The following MED16 variants were observed in gnomAD, a reference collection of about 807,000 sequenced individuals.
MED16 encodes the protein mediator complex subunit 16.
A neutral mutation model predicts 84.4 loss-of-function variants in MED16; 81 were observed. The ratio of observed to expected loss-of-function variants is 0.96; its 90% CI spans 0.80 to 1.15. The LOEUF (loss-of-function observed/expected upper bound fraction) is 1.15, where lower values mean the gene tolerates loss of function less well. MED16 is among the 50% of genes most tolerant of loss of function. The pLI is 0.00. For missense variants in MED16, 1,585 were observed against 1,245.9 expected (o/e 1.27, Z -4.10); for synonymous variants, 897 against 552.2 (o/e 1.62, Z -8.76).
chr19:875,678 G>A (rs1042474902), intron 9 of MED16, among the ~76,000 whole-genome samples: 2 of 152,202 alleles, frequency 1.3e-5, no homozygotes, highest in Non-Finnish European at 1.5e-5. Flanking sequence ...TGCCTCTGGT[G>A]GGGGCCCCTG....
intron 4 of MED16, among the ~76,000 whole-genome samples, chr19:886,674 G>A (rs1201709799): frequency 6.6e-6 from 1 of 152,244 alleles, no homozygotes; most frequent in African/African-American, 2.4e-5. Context: ...GAAGTGCTGT[G>A]TAAGCACCAG....
chr19:877,550 C>A lies in MED16; in HGVS notation c.1354-370G>T, dbSNP rs536330992. On this transcript the variant is annotated intron_variant, in intron 8 of 15. Coordinates refer to ENST00000325464, the MANE Select transcript of MED16 (RefSeq NM_005481.3). ...ACTGACCTCGCTCAACAAGACGAAC[C>A]CATCACACAGACAAGGCAGCGCAGG... Among the ~76,000 whole-genome samples, 33 of 97,686 alleles carry A rather than the reference C, an allele frequency of 3.4e-4. 1 individual carries two copies. The South Asian group carries it at 8.6e-3, about 25-fold the overall frequency. 64.1% of individuals were successfully genotyped at this position (97,686 alleles called of 152,430 possible).
intron 13 of MED16, among the ~76,000 whole-genome samples, chr19:870,523 T>C (rs2036021313): frequency 6.8e-6 from 1 of 147,352 alleles, no homozygotes; most frequent in African/African-American, 2.5e-5. Flanking sequence ...ACGGCACTAC[T>C]GCACTCCAGC....
In MED16 at chr19:871,060, G is replaced by C. The variant is rs576500969; in HGVS notation, c.2292C>G (p.Thr764=). ...RAPTLPGSAA[T]LQLDGLARAP... The stretch of plus-strand genomic sequence containing the variant: ...ACCTGGCGAGGCCGTCGAGCTGCAG[G>C]GTGGCAGCACTGCCAGGCAGCGTGG... The change falls in exon 13 of 16, where the codon ACC becomes ACG. Residue 764 remains threonine (T), a synonymous_variant. Transcript: ENST00000325464. 1.5e-5 allele frequency: 23 copies of C among 1,544,956 alleles called. No homozygotes were observed. In the African/African-American group the frequency reaches 2.9e-4, roughly 19 times the overall value.
chr19:888,927 T>G (rs2036577024), intron 4 of MED16, among the ~76,000 whole-genome samples: 1 of 152,150 alleles, frequency 6.6e-6, no homozygotes, highest in African/African-American at 2.4e-5. Context: ...GGGGTGGCTG[T>G]GAGGCCTTTG....
chr19:887,407 C>T (rs2036548580), intron 4 of MED16, among the ~76,000 whole-genome samples: 2 of 152,280 alleles, frequency 1.3e-5, no homozygotes, highest in South Asian at 4.2e-4. Flanking sequence ...GTGGCTCACG[C>T]CTGTAATCTC....
intron 8 of MED16, 74 bp from the exon 9 acceptor site, chr19:877,254 T>C (rs1171314379): frequency 8.3e-6 from 12 of 1,447,094 alleles, no homozygotes; most frequent in African/African-American, 1.4e-5. Flanking sequence ...AATGGGGCCC[T>C]GGGGCTGCGG....
In MED16 at chr19:871,128, G is replaced by A. The variant is rs754241655; in HGVS notation, c.2224C>T (p.Leu742=). The A allele has an allele frequency of 1.9e-6, 3 of 1,548,430 alleles. No individual in the cohort carries two copies. Among genetic ancestry groups the A allele is most frequent in the Non-Finnish European group, 1.7e-6 (2 of 1,145,812 alleles). Residue 742 remains leucine (L), a synonymous_variant, in exon 13 of 16, where the codon CTG becomes TTG. Coordinates refer to ENST00000325464, the MANE Select transcript of MED16 (RefSeq NM_005481.3). ...LPASDGLVSR[L]QPKQPLRLQF... ...AGACGAAGGGGCTGCTTGGGCTGCA[G>A]GCGGCTAACCAGGCCGTCGCTGGCT...
At chr19:886,981 A>G (rs2036538422) in intron 4 of MED16, among the ~76,000 whole-genome samples, 1 of 152,012 alleles carries the variant, frequency 6.6e-6, no homozygotes, top group Non-Finnish European at 1.5e-5. Flanking sequence ...CAGGAGGCTG[A>G]GGCAGGAGAA....
In MED16 at chr19:885,026, G is replaced by A. The variant is rs377639572; in HGVS notation, c.880-18C>T. 2.7e-5 allele frequency: 43 copies of A among 1,571,966 alleles called. No homozygotes were observed. Among genetic ancestry groups the A allele is most frequent in the Non-Finnish European group, 3.2e-5 (37 of 1,161,914 alleles). ...AAAAGCACCTGCGGGGGAGGTGGGG[G>A]TGAGGGCTGACCCGGCACTGCTGTG... is the stretch of plus-strand genomic sequence containing the variant. On this transcript the variant is annotated intron_variant, in intron 5 of 15. Transcript: ENST00000325464.
At chr19:875,485 G>A (rs367670497) in intron 9 of MED16, 31 bp from the exon 10 acceptor site, 5 of 1,565,882 alleles carry the variant, frequency 3.2e-6, no homozygotes, top group Non-Finnish European at 4.3e-6. Flanking sequence ...CACCCCAAGG[G>A]GCCGGAGCAG....
intron 4 of MED16, among the ~76,000 whole-genome samples, chr19:887,103 G>A (rs2036541827): frequency 6.6e-6 from 1 of 151,436 alleles, no homozygotes; most frequent in Non-Finnish European, 1.5e-5. Context: ...AAAAGAACAA[G>A]AAAAATGTCT....
chr19:883,993 T>C (rs565965331), intron 6 of MED16, among the ~76,000 whole-genome samples: 32 of 152,252 alleles, frequency 2.1e-4, no homozygotes, highest in Non-Finnish European at 3.5e-4. Flanking sequence ...TTACTGCCTC[T>C]GCGGCCACAA....
At position 884,883 on chromosome 19, in the gene MED16, GC is replaced by G; in HGVS notation, c.985+19del. 6.3e-7 allele frequency: 1 copy of G among 1,585,086 alleles called. No individual in the cohort carries two copies. Among genetic ancestry groups the G allele is most frequent in the Non-Finnish European group, 8.6e-7 (1 of 1,166,224 alleles). ...CCCCGAGGGCAGGCCCAGGGCCTCC[GC>G]AGCCGGCGGGAGACTCACCCACGGG... is the stretch of plus-strand genomic sequence containing the variant. On this transcript the variant is annotated intron_variant, in intron 6 of 15. Transcript: ENST00000325464.
intron 9 of MED16, 56 bp from the exon 10 acceptor site, chr19:875,510 G>C (rs938174481): frequency 1.4e-6 from 2 of 1,417,820 alleles, no homozygotes; most frequent in Non-Finnish European, 1.9e-6. Context: ...GCCCGCCAAG[G>C]CTCCAGCTGA....
intron 11 of MED16, among the ~76,000 whole-genome samples, chr19:872,549 C>G (rs1420248703): frequency 6.6e-6 from 1 of 151,510 alleles, no homozygotes; most frequent in African/African-American, 2.4e-5. Context: ...GACTTCAAAC[C>G]GTCCGTGATG....
rs78579800 is a variant in MED16, at chr19:881,485, G to A, written c.1141+74C>T. The A allele has an allele frequency of 2.5e-3, 3,846 of 1,517,288 alleles. 76 individuals carry two copies. In the African/African-American group the frequency reaches 0.042, roughly 17 times the overall value. 94.0% of individuals were successfully genotyped at this position (1,517,288 alleles called of 1,614,324 possible). A position where few individuals can be genotyped will look rare whatever the true frequency, so the allele number is the denominator to read the frequency against. ...CTCTGGTGTGAGCTCCCACGACCCCGTGGCCTGTGCTCAGGGCCCAACTCC... is the reference window on the plus strand; with the variant it reads ...CTCTGGTGTGAGCTCCCACGACCCCATGGCCTGTGCTCAGGGCCCAACTCC... On this transcript the variant is annotated intron_variant, in intron 7 of 15. Transcript: ENST00000325464.
chr19:883,456 C>T (rs1192162461), intron 6 of MED16, among the ~76,000 whole-genome samples: 9 of 98,662 alleles, frequency 9.1e-5, no homozygotes, highest in South Asian at 3.8e-4. Context: ...CTGGGCATGG[C>T]GGGGACCAAA....
At chr19:892,615 A>G (rs2365703) in intron 1 of MED16, 61,043 of 135,996 alleles carry the variant, frequency 0.45, 14,537 homozygotes, top group Non-Finnish European at 0.52. Flanking sequence ...GACCCCTATA[A>G]CTCCGCAGTC....
Sources: gnomAD v4.1 joint callset for allele counts (sites outside exome capture counted in the v4.1 genomes callset) on GRCh38, gnomAD v4.1.1 for gene constraint, MANE v1.5 for transcripts, NCBI Gene and HGNC (gene_info 2026-07-23, HGNC 2026-07-21) for gene names.